UVRAG: variants seen among roughly 807,000 people sequenced by gnomAD.
UVRAG encodes the protein UV radiation resistance associated.
Under a neutral mutation model 78.0 loss-of-function variants are expected in UVRAG, and 19 were observed. The observed-to-expected ratio is 0.24, with a 90% confidence interval of 0.17 to 0.36. UVRAG has a LOEUF of 0.36. Ranked by LOEUF, UVRAG falls within the 10% of genes least tolerant of loss-of-function variation. The pLI is 1.00. For synonymous variants in UVRAG, 323 were observed against 324.6 expected, an observed-to-expected ratio of 1.00 and a Z score of 0.05; for missense variants, 740 against 853.8, an observed-to-expected ratio of 0.87 and a Z score of 1.66.
In UVRAG at chr11:76,086,942, G is replaced by C. The variant is rs1450930553; in HGVS notation, c.1305+21154G>C. ...GTTTATAGCAAGAAATAGCATCCCA[G>C]CTGAGGCAGCACAGCTAGTCATACC... On this transcript the variant is annotated intron_variant, in intron 13 of 14. Coordinates refer to ENST00000356136, the MANE Select transcript of UVRAG (RefSeq NM_003369.4). Among the ~76,000 whole-genome samples the C allele has an allele frequency of 2.6e-5, 4 of 152,316 alleles. No individual in the cohort carries two copies. The East Asian group carries it at 7.7e-4, about 29-fold the overall frequency.
rs186574997 is a variant in UVRAG, at chr11:75,951,845, C to G, written c.594-9599C>G. 3.9e-5 allele frequency among the ~76,000 whole-genome samples: 6 copies of G among 152,236 alleles called. No individual in the cohort carries two copies. The East Asian group carries it at 1.2e-3, about 29-fold the overall frequency. On this transcript the variant is annotated intron_variant, in intron 6 of 14. Transcript: ENST00000356136. The stretch of plus-strand genomic sequence containing the variant: ...TTCTAGGTCTTTTGTATTTGCATAT[C>G]AATTTTAAAAGCAGTTTGCCAATTT...
intron 13 of UVRAG, among the ~76,000 whole-genome samples, chr11:76,115,096 C>T (rs928758275): frequency 6.6e-6 from 1 of 152,152 alleles, no homozygotes; most frequent in African/African-American, 2.4e-5. Flanking sequence ...CTTCGGCTCT[C>T]CTTTATGGTC....
intron 12 of UVRAG, among the ~76,000 whole-genome samples, chr11:76,019,650 C>T (rs1950206013): frequency 1.3e-5 from 2 of 152,222 alleles, no homozygotes; most frequent in Admixed American, 1.3e-4. Flanking sequence ...GATTACCAGG[C>T]AGAGATTCCT....
chr11:75,873,100 G>A (rs576597706), intron 3 of UVRAG, among the ~76,000 whole-genome samples: 1 of 152,248 alleles, frequency 6.6e-6, no homozygotes, highest in East Asian at 1.9e-4. Context: ...CCAGCCCCAT[G>A]GACATCAGTG....
At chr11:75,990,133 A>C (rs896154453) in intron 8 of UVRAG, among the ~76,000 whole-genome samples, 4 of 152,336 alleles carry the variant, frequency 2.6e-5, no homozygotes, top group Non-Finnish European at 5.9e-5. Flanking sequence ...TATGAAGTAT[A>C]GTTTACATTA....
At chr11:76,113,317 T>C (rs1197585899) in intron 13 of UVRAG, among the ~76,000 whole-genome samples, 1 of 152,010 alleles carries the variant, frequency 6.6e-6, no homozygotes, top group Non-Finnish European at 1.5e-5. Flanking sequence ...AGATAATGTA[T>C]GGGAAAGGGG....
intron 14 of UVRAG, among the ~76,000 whole-genome samples, chr11:76,135,488 A>G (rs946681798): frequency 1.3e-5 from 2 of 152,202 alleles, no homozygotes; most frequent in Non-Finnish European, 2.9e-5. Context: ...TTGTGACCCC[A>G]GGAAATACTT....
intron 12 of UVRAG, among the ~76,000 whole-genome samples, chr11:76,033,980 G>A (rs1950482516): frequency 1.3e-5 from 2 of 151,912 alleles, no homozygotes; most frequent in Admixed American, 1.3e-4. Flanking sequence ...CCTCAATCCT[G>A]GTTATATACT....
intron 12 of UVRAG, among the ~76,000 whole-genome samples, chr11:76,061,559 C>T (rs149307631): frequency 6.6e-6 from 1 of 151,674 alleles, no homozygotes; most frequent in East Asian, 1.9e-4. Flanking sequence ...CTGAAGCCAG[C>T]GAGACCACGA....
chr11:76,107,185 T>G (rs1951986785), intron 13 of UVRAG, among the ~76,000 whole-genome samples: 1 of 152,234 alleles, frequency 6.6e-6, no homozygotes, highest in Non-Finnish European at 1.5e-5. Context: ...ATTGAAATAT[T>G]TTTAATATGG....
At chr11:75,894,787 G>T (rs1255338278) in intron 5 of UVRAG, among the ~76,000 whole-genome samples, 2 of 134,736 alleles carry the variant, frequency 1.5e-5, no homozygotes, top group African/African-American at 5.7e-5. Context: ...AACAAAGTGA[G>T]ACTCCCGTCT....
intron 14 of UVRAG, among the ~76,000 whole-genome samples, chr11:76,119,174 G>C (rs546103882): frequency 1.6e-4 from 24 of 152,216 alleles, no homozygotes; most frequent in African/African-American, 5.8e-4. Context: ...TCCTTATCCT[G>C]TTCAGTGGCA....
At chr11:75,818,669 G>A (rs1355124319) in intron 1 of UVRAG, among the ~76,000 whole-genome samples, 1 of 152,014 alleles carries the variant, frequency 6.6e-6, no homozygotes, top group Non-Finnish European at 1.5e-5. Flanking sequence ...AGTAGAGACG[G>A]GGTTTCATTG....
At chr11:75,989,345 G>C (rs73494001) in intron 8 of UVRAG, among the ~76,000 whole-genome samples, 1 of 152,006 alleles carries the variant, frequency 6.6e-6, no homozygotes, top group Non-Finnish European at 1.5e-5. Context: ...TACCATGCCC[G>C]GCCACTTCTG....
At chr11:76,015,643 C>T (rs955812724) in intron 11 of UVRAG, among the ~76,000 whole-genome samples, 1 of 151,802 alleles carries the variant, frequency 6.6e-6, no homozygotes, top group Non-Finnish European at 1.5e-5. Context: ...TATAAGACTA[C>T]CAAAGAAAAA....
At chr11:76,137,200 T>G (rs1429436333) in intron 14 of UVRAG, 1 of 381,792 alleles carries the variant, frequency 2.6e-6, no homozygotes, top group South Asian at 1.9e-5. Context: ...TCAGGACATC[T>G]GCTTTACAAG....
intron 12 of UVRAG, among the ~76,000 whole-genome samples, chr11:76,023,095 A>G (rs1950274613): frequency 6.6e-6 from 1 of 152,170 alleles, no homozygotes; most frequent in Non-Finnish European, 1.5e-5. Flanking sequence ...AAATTGCATC[A>G]TTATACATTG....
intron 14 of UVRAG, among the ~76,000 whole-genome samples, chr11:76,126,617 G>T (rs1251161311): frequency 2.0e-5 from 3 of 152,062 alleles, no homozygotes; most frequent in Non-Finnish European, 4.4e-5. Context: ...TCATCATTTA[G>T]ATTTACTATA....
chr11:75,926,642 C>T lies in UVRAG; in HGVS notation c.593+14603C>T, dbSNP rs147523278. On this transcript the variant is annotated intron_variant, in intron 6 of 14. Transcript: ENST00000356136. ...CAGATCAAGAGAAGTAATAGTCTTC[C>T]TGGACTTTGTGTTCATTAGATCATA... 3.2e-3 allele frequency among the ~76,000 whole-genome samples: 485 copies of T among 152,174 alleles called. 2 individuals are homozygous for T. The highest frequency in any genetic ancestry group is 0.011 in the African/African-American group (457 of 41,508).
Sources: gnomAD v4.1 joint callset for allele counts (sites outside exome capture counted in the v4.1 genomes callset) on GRCh38, gnomAD v4.1.1 for gene constraint, MANE v1.5 for transcripts, NCBI Gene and HGNC (gene_info 2026-07-23, HGNC 2026-07-21) for gene names.